The following CDH12 variants were observed in gnomAD, a reference collection of about 807,000 sequenced individuals.
CDH12 encodes cadherin 12.
In CDH12, 41 loss-of-function variants were observed where a neutral mutation model predicts 74.1. The observed-to-expected ratio is 0.55, with a 90% confidence interval of 0.43 to 0.72. The LOEUF is 0.72. Ranked by LOEUF, CDH12 falls within the 30% of genes least tolerant of loss-of-function variation. The pLI, the probability that CDH12 is intolerant of heterozygous loss-of-function variation, is 0.00. For synonymous variants in CDH12, 399 were observed against 355.0 expected, an observed-to-expected ratio of 1.12 and a Z score of -1.39; for missense variants, 945 against 977.2, an observed-to-expected ratio of 0.97 and a Z score of 0.44.
Position 22,703,582 on chromosome 5 carries a change from G to A in CDH12, c.-523+149476C>T, listed in dbSNP as rs897151028. ...TAAAACAAGATGTCATATTAATAGT[G>A]TTAACTCCACATAATAGTTCAGTGT... On this transcript the variant is annotated intron_variant, in intron 1 of 14. Transcript: ENST00000382254. 3.7e-4 allele frequency among the ~76,000 whole-genome samples: 56 copies of A among 152,230 alleles called. 1 individual carries two copies. Among genetic ancestry groups the A allele is most frequent in the African/African-American group, 1.3e-3 (53 of 41,558 alleles).
At chr5:22,120,914 A>G (rs1745475069) in intron 4 of CDH12, among the ~76,000 whole-genome samples, 1 of 152,176 alleles carries the variant, frequency 6.6e-6, no homozygotes, top group African/African-American at 2.4e-5. Flanking sequence ...GGAGAACCCA[A>G]TAGAGACAAC....
At chr5:22,354,417 C>T (rs1740480042) in intron 3 of CDH12, among the ~76,000 whole-genome samples, 1 of 152,110 alleles carries the variant, frequency 6.6e-6, no homozygotes, top group South Asian at 2.1e-4. Flanking sequence ...AGGGAGCTGC[C>T]ATTTACTACA....
chr5:22,538,827 G>A (rs1261000716), intron 1 of CDH12, among the ~76,000 whole-genome samples: 1 of 152,148 alleles, frequency 6.6e-6, no homozygotes, highest in Non-Finnish European at 1.5e-5. Flanking sequence ...GCTAAAATAA[G>A]GTATTGCAGG....
intron 6 of CDH12, among the ~76,000 whole-genome samples, chr5:21,891,323 T>A (rs1752887665): frequency 6.6e-6 from 1 of 152,098 alleles, no homozygotes; most frequent in Non-Finnish European, 1.5e-5. Context: ...AATTCAGACA[T>A]AGCCCTATTT....
chr5:22,814,981 G>C (rs1191389001), intron 1 of CDH12, among the ~76,000 whole-genome samples: 1 of 152,108 alleles, frequency 6.6e-6, no homozygotes, highest in Non-Finnish European at 1.5e-5. Context: ...AAAAGATGAA[G>C]AAATAAAATA....
chr5:21,831,393 C>T lies in CDH12; in HGVS notation c.814+10768G>A, dbSNP rs114996998. Among the ~76,000 whole-genome samples the T allele has an allele frequency of 1.3e-3, 199 of 152,202 alleles. 3 individuals are homozygous for T. In the South Asian group the frequency reaches 0.014, roughly 11 times the overall value. On this transcript the variant is annotated intron_variant, in intron 8 of 14. Coordinates refer to ENST00000382254, the MANE Select transcript of CDH12 (RefSeq NM_004061.5). ...TACAAATAGACGGAACCTACTCATA[C>T]GGATTAAGGAAGTTAATATACAATT... is the stretch of plus-strand genomic sequence containing the variant.
intron 3 of CDH12, among the ~76,000 whole-genome samples, chr5:22,394,107 C>G (rs1236655961): frequency 2.6e-5 from 4 of 152,148 alleles, no homozygotes; most frequent in African/African-American, 9.7e-5. Context: ...AGAAAATTCA[C>G]TGTTGGAAAC....
rs566332515 is a variant in CDH12, at chr5:22,153,229, T to C, written c.-187+59269A>G. Among the ~76,000 whole-genome samples, 18 of 150,610 alleles carry C rather than the reference T, an allele frequency of 1.2e-4. 2 individuals are homozygous for C. In the South Asian group the frequency reaches 3.8e-3, roughly 32 times the overall value. On this transcript the variant is annotated intron_variant, in intron 4 of 14. Transcript: ENST00000382254. The stretch of plus-strand genomic sequence containing the variant: ...CCTCCATACTGTTTTCCACAGTGGC[T>C]GCACCAATCTATATTCCTAAATTAA...
intron 1 of CDH12, among the ~76,000 whole-genome samples, chr5:22,769,347 T>C (rs1390188502): frequency 6.6e-6 from 1 of 152,142 alleles, no homozygotes; most frequent in African/African-American, 2.4e-5. Flanking sequence ...TTCTCCGTCC[T>C]GTGCTGGATG....
chr5:22,310,646 G>T (rs1428152181), intron 3 of CDH12, among the ~76,000 whole-genome samples: 1 of 151,984 alleles, frequency 6.6e-6, no homozygotes, highest in South Asian at 2.1e-4. Flanking sequence ...AAAAGAAAAA[G>T]CCAATTGGTC....
chr5:22,319,971 T>C (rs1738799584), intron 3 of CDH12, among the ~76,000 whole-genome samples: 1 of 152,096 alleles, frequency 6.6e-6, no homozygotes. Flanking sequence ...GGAGACTAAC[T>C]GACACTTGCA....
chr5:22,449,981 C>T (rs1744978476), intron 2 of CDH12, among the ~76,000 whole-genome samples: 1 of 151,808 alleles, frequency 6.6e-6, no homozygotes, highest in Non-Finnish European at 1.5e-5. Context: ...TACAAAACTG[C>T]CTGATTATAA....
intron 1 of CDH12, among the ~76,000 whole-genome samples, chr5:22,685,309 C>A (rs1741711952): frequency 6.6e-6 from 1 of 152,104 alleles, no homozygotes; most frequent in South Asian, 2.1e-4. Context: ...GCGGTCTTGG[C>A]TCATTGCAGC....
chr5:22,338,174 C>T (rs1739673697), intron 3 of CDH12, among the ~76,000 whole-genome samples: 1 of 152,092 alleles, frequency 6.6e-6, no homozygotes, highest in African/African-American at 2.4e-5. Context: ...ACCTAAGTGT[C>T]CATCTACAGA....
At chr5:22,412,886 T>C (rs1743220505) in intron 2 of CDH12, among the ~76,000 whole-genome samples, 1 of 151,986 alleles carries the variant, frequency 6.6e-6, no homozygotes, top group African/African-American at 2.4e-5. Flanking sequence ...ATTGTATTTT[T>C]AATGTTTCCC....
At chr5:21,840,009 T>C (rs1167853259) in intron 8 of CDH12, among the ~76,000 whole-genome samples, 1 of 152,172 alleles carries the variant, frequency 6.6e-6, no homozygotes, top group Non-Finnish European at 1.5e-5. Flanking sequence ...ATTACTCTAT[T>C]ATCATAGAAA....
intron 9 of CDH12, among the ~76,000 whole-genome samples, chr5:21,804,548 T>C (rs1747318570): frequency 6.6e-6 from 1 of 151,970 alleles, no homozygotes; most frequent in Admixed American, 6.6e-5. Context: ...CTCTGAGTGG[T>C]GAATTAATAG....
At chr5:22,484,306 T>C (rs1386840348) in intron 2 of CDH12, among the ~76,000 whole-genome samples, 1 of 152,148 alleles carries the variant, frequency 6.6e-6, no homozygotes, top group African/African-American at 2.4e-5. Context: ...CGGGTAGGTC[T>C]TAGGCAGATG....
At chr5:22,475,787 A>G (rs972828306) in intron 2 of CDH12, among the ~76,000 whole-genome samples, 2 of 152,202 alleles carry the variant, frequency 1.3e-5, no homozygotes, top group South Asian at 4.1e-4. Flanking sequence ...ATCTTTCCCA[A>G]GAAACAAGAT....
Sources: allele counts gnomAD v4.1 joint callset (sites outside exome capture counted in the v4.1 genomes callset), GRCh38; gene constraint gnomAD v4.1.1; transcripts MANE v1.5; gene names NCBI Gene and HGNC (gene_info 2026-07-23, HGNC 2026-07-21).